Variants in SLC7A2 observed in about 807,000 individuals in gnomAD.
The protein encoded by SLC7A2 is solute carrier family 7 member 2, also known as cationic amino acid transporter 2.
Under a neutral mutation model 58.9 loss-of-function variants are expected in SLC7A2, and 48 were observed. The observed-to-expected ratio is 0.82, with a 90% CI of 0.65 to 1.04. The LOEUF is 1.04. SLC7A2 is among the 50% of genes least tolerant of loss of function. SLC7A2 has a pLI of 0.00. For missense variants in SLC7A2, 1,029 were observed against 818.8 expected (o/e 1.26, Z -3.13); for synonymous variants, 363 against 314.5 (o/e 1.15, Z -1.63).
At position 17,543,382 on chromosome 8, in the gene SLC7A2, A is replaced by G. The variant is rs1340530540; in HGVS notation, c.43A>G (p.Ile15Val). Reference protein sequence around the residue: ...RAALTFARCLIRRKIVTLDSL... With the variant: ...RAALTFARCLVRRKIVTLDSL... Reference sequence around the variant, plus strand: ...CGCGCTGACCTTTGCCCGATGTCTGATCCGGAGAAAAATCGTGACCCTGGA... The same window carrying G: ...CGCGCTGACCTTTGCCCGATGTCTGGTCCGGAGAAAAATCGTGACCCTGGA... Residue 15 changes from isoleucine to valine, a missense_variant, in exon 3 of 13, where the codon ATC (isoleucine) becomes GTC (valine). By Grantham distance (29) the Ile-to-Val change is conservative. Transcript: ENST00000494857. The G allele has an allele frequency of 6.2e-7, 1 of 1,614,128 alleles. No individual in the cohort carries two copies. The highest frequency in any genetic ancestry group is 8.5e-7 in the Non-Finnish European group (1 of 1,180,006).
upstream of SLC7A2, among the ~76,000 whole-genome samples, chr8:17,494,775 A>T (rs1799917992): frequency 6.6e-6 from 1 of 152,252 alleles, no homozygotes; most frequent in African/African-American, 2.4e-5. Flanking sequence ...AATTTCAAAC[A>T]CGAAATGGAA....
At chr8:17,547,822 G>GTGTGTGTGTGTT (rs1802249535) in intron 4 of SLC7A2, among the ~76,000 whole-genome samples, 1 of 145,134 alleles carries the variant, frequency 6.9e-6, no homozygotes, top group Non-Finnish European at 1.5e-5. Context: ...GTGTGTGTGT[G>GTGTGTGTGTGTT]TTTACAAAAT....
At chr8:17,505,786 G>A (rs116812215) in intron 2 of SLC7A2, among the ~76,000 whole-genome samples, 2,373 of 152,142 alleles carry the variant, frequency 0.016, 79 homozygotes, top group African/African-American at 0.054. Context: ...AGTCTGATAC[G>A]GATATTCTTG....
Position 17,502,735 on chromosome 8 carries a change from G to A in SLC7A2, c.-23+433G>A, listed in dbSNP as rs909055524. ...ATTATTTAAAGGAATCCTGGAATGA[G>A]TCCATTTTTCCTAGGGGAATCACTT... On this transcript the variant is annotated intron_variant, in intron 2 of 12. Coordinates refer to ENST00000494857, the MANE Select transcript of SLC7A2 (RefSeq NM_001370338.1). Among the ~76,000 whole-genome samples the A allele has an allele frequency of 2.0e-5, 3 of 152,114 alleles. No homozygotes were observed. In the South Asian group the frequency reaches 6.2e-4, roughly 32 times the overall value.
At chr8:17,509,585 C>T (rs62497986) in intron 2 of SLC7A2, among the ~76,000 whole-genome samples, 61,306 of 151,956 alleles carry the variant, frequency 0.4, 13,228 homozygotes, top group South Asian at 0.54. Context: ...GGAAGACAGG[C>T]GGGAGCCACC....
chr8:17,497,990 A>G (rs542001349), intron 1 of SLC7A2, among the ~76,000 whole-genome samples: 58 of 152,292 alleles, frequency 3.8e-4, no homozygotes, highest in Non-Finnish European at 6.8e-4. Context: ...CTATGGAGTA[A>G]GGTATTGAGA....
intron 2 of SLC7A2, among the ~76,000 whole-genome samples, chr8:17,521,366 G>A (rs1801006981): frequency 6.6e-6 from 1 of 152,312 alleles, no homozygotes; most frequent in Admixed American, 6.5e-5. Context: ...CAGAGTGTAG[G>A]ATTGTAAGAA....
At chr8:17,501,787 C>G (rs1306741694) in intron 1 of SLC7A2, among the ~76,000 whole-genome samples, 1 of 151,908 alleles carries the variant, frequency 6.6e-6, no homozygotes, top group South Asian at 2.1e-4. Context: ...CTGCTGCGTA[C>G]TAGCCCCCCT....
In SLC7A2 at chr8:17,543,777, G is replaced by T. The variant is rs1391183359; in HGVS notation, c.376+62G>T. 26 of 1,446,310 alleles carry T rather than the reference G, an allele frequency of 1.8e-5. No homozygotes were observed. The Admixed American group carries it at 4.4e-4, about 25-fold the overall frequency. The allele number at this position is 1,446,310 out of a possible 1,614,324, so 89.6% of individuals were successfully genotyped here. On this transcript the variant is annotated intron_variant, in intron 3 of 12. Transcript: ENST00000494857. ...GAAGAAATCGCAGCCCTGAGTCACAGCCCTTAGGTTCAGTTGTAGGTGTTG... is the reference window on the plus strand; with the variant it reads ...GAAGAAATCGCAGCCCTGAGTCACATCCCTTAGGTTCAGTTGTAGGTGTTG...
chr8:17,517,835 G>A (rs1254337446), intron 2 of SLC7A2, among the ~76,000 whole-genome samples: 3 of 152,070 alleles, frequency 2.0e-5, no homozygotes, highest in African/African-American at 7.2e-5. Flanking sequence ...GCTGCCGAGA[G>A]CCTGGGAACT....
chr8:17,563,149 T>C (rs1199860998), intron 11 of SLC7A2, among the ~76,000 whole-genome samples: 1 of 151,982 alleles, frequency 6.6e-6, no homozygotes, highest in East Asian at 1.9e-4. Context: ...TCTCTAAAAA[T>C]AAAATAAAAC....
intron 2 of SLC7A2, among the ~76,000 whole-genome samples, chr8:17,528,307 T>A (rs1563451046): frequency 6.6e-6 from 1 of 152,194 alleles, no homozygotes; most frequent in African/African-American, 2.4e-5. Flanking sequence ...CCTCCCTACA[T>A]CTGGAACCCT....
In SLC7A2 at chr8:17,567,259, CA is replaced by C. The variant is rs1162028992; in HGVS notation, c.*2115del. The C allele has an allele frequency of 6.6e-6, 1 of 152,434 alleles. No homozygotes were observed. Among genetic ancestry groups the C allele is most frequent in the Non-Finnish European group, 1.5e-5 (1 of 68,026 alleles). The allele number at this position is 152,434 out of a possible 1,614,324, so 9.4% of individuals were successfully genotyped here. ...CTGAAAACCCGTTTGATTCTATACC[CA>C]ATCAAGAATAGACCCTTCACACAGG... On this transcript the variant is annotated 3_prime_UTR_variant, in exon 13 of 13. Transcript: ENST00000494857.
intron 2 of SLC7A2, among the ~76,000 whole-genome samples, chr8:17,504,613 TAC>T (rs1393663485): frequency 6.6e-6 from 1 of 152,210 alleles, no homozygotes; most frequent in Non-Finnish European, 1.5e-5. Flanking sequence ...GTTACTCTTC[TAC>T]CACATCGTCT....
chr8:17,561,922 T>C (rs756905089), intron 10 of SLC7A2, 22 bp from the exon 11 acceptor site: 2 of 1,612,746 alleles, frequency 1.2e-6, no homozygotes, highest in East Asian at 4.5e-5. Context: ...GCTGACTCTG[T>C]TATCTACACA....
intron 2 of SLC7A2, among the ~76,000 whole-genome samples, chr8:17,529,807 GA>G (rs570653809): frequency 7.8e-4 from 119 of 152,178 alleles, no homozygotes; most frequent in Non-Finnish European, 1.5e-3. Flanking sequence ...AACATGCTGG[GA>G]TTACAGGTGT....
chr8:17,505,618 A>G (rs1800333995), intron 2 of SLC7A2, among the ~76,000 whole-genome samples: 1 of 152,180 alleles, frequency 6.6e-6, no homozygotes, highest in African/African-American at 2.4e-5. Context: ...AAACAAATTT[A>G]CTTGAGTTTT....
Position 17,512,452 on chromosome 8 carries a change from C to T in SLC7A2, c.-23+10150C>T, listed in dbSNP as rs143383001. Among the ~76,000 whole-genome samples the T allele has an allele frequency of 9.5e-3, 1,449 of 152,194 alleles. 23 individuals are homozygous for T. The highest frequency in any genetic ancestry group is 0.033 in the African/African-American group (1,384 of 41,510). Reference sequence around the variant, plus strand: ...ATGCCAGCTACTTGGGAGGCTGAGGCAGGAGAATCGCTTGAACCAGGGAGG... The same window carrying T: ...ATGCCAGCTACTTGGGAGGCTGAGGTAGGAGAATCGCTTGAACCAGGGAGG... On this transcript the variant is annotated intron_variant, in intron 2 of 12. Transcript: ENST00000494857.
chr8:17,496,185 G>A (rs1799953261), upstream of SLC7A2, among the ~76,000 whole-genome samples: 1 of 152,020 alleles, frequency 6.6e-6, no homozygotes, highest in African/African-American at 2.4e-5. Flanking sequence ...TCTCAGCCTG[G>A]TGGCTCAAGC....
Sources: allele counts gnomAD v4.1 joint callset (sites outside exome capture counted in the v4.1 genomes callset), GRCh38; gene constraint gnomAD v4.1.1; transcripts MANE v1.5; gene names NCBI Gene and HGNC (gene_info 2026-07-23, HGNC 2026-07-21).